SOAT1: variants seen among roughly 807,000 people sequenced by gnomAD.
SOAT1 encodes the protein acyl-coenzyme A:cholesterol acyltransferase 1.
Under a neutral mutation model 69.5 loss-of-function variants are expected in SOAT1, and 55 were observed. The observed-to-expected ratio is 0.79, with a 90% CI of 0.64 to 0.99. The LOEUF (loss-of-function observed/expected upper bound fraction) is 0.99. Among genes scored for constraint, SOAT1 ranks in the 50% least tolerant of loss-of-function variants. SOAT1 has a pLI of 0.00. For synonymous variants in SOAT1, 231 were observed against 224.7 expected (o/e 1.03, Z -0.25); for missense variants, 580 against 669.3 (o/e 0.87, Z 1.47).
chr1:179,339,645 A>T, intron 6 of SOAT1, 100 bp downstream of exon 6: 2 of 648,716 alleles, frequency 3.1e-6, no homozygotes, highest in Non-Finnish European at 5.2e-6. Context: ...TGCTTCAGGA[A>T]ATCCTAAAGC....
chr1:179,337,681 TG>T (rs964687514), intron 4 of SOAT1, among the ~76,000 whole-genome samples, 155 bp from the exon 5 acceptor site: 5 of 152,200 alleles, frequency 3.3e-5, no homozygotes, highest in African/African-American at 1.2e-4. Flanking sequence ...CTGTTTTAGC[TG>T]GGCATGGTGG....
chr1:179,353,729 T>C lies in SOAT1; in HGVS notation c.*88T>C. ...CTGTTTCCAGTTGTTACTGAAGTTA[T>C]CTGTGTTATTTGGACCACTCCAGGC... On this transcript the variant is annotated 3_prime_UTR_variant, in exon 16 of 16. Transcript: ENST00000367619. The C allele has an allele frequency of 8.6e-7, 1 of 1,158,710 alleles. No individual in the cohort carries two copies. The allele number at this position is 1,158,710 out of a possible 1,614,324, so 71.8% of individuals were successfully genotyped here.
chr1:179,305,414 A>G (rs1240565340), intron 2 of SOAT1, among the ~76,000 whole-genome samples: 2 of 149,914 alleles, frequency 1.3e-5, no homozygotes, highest in African/African-American at 4.9e-5. Flanking sequence ...TCAGTACTTC[A>G]TTTTTTTTTT....
At chr1:179,348,775 TG>T (rs1666619613) in intron 12 of SOAT1, 68 bp from the exon 13 acceptor site, 12 of 95,328 alleles carry the variant, frequency 1.3e-4, no homozygotes, top group Admixed American at 2.2e-4. Flanking sequence ...TGTGTGTGTG[TG>T]TGTGTGTGTG....
chr1:179,353,521 A>G, intron 15 of SOAT1, 64 bp from the exon 16 acceptor site: 1 of 1,328,596 alleles, frequency 7.5e-7, no homozygotes, highest in Non-Finnish European at 1.1e-6. Context: ...ATCCCTGCCT[A>G]TCTCCACACC....
At chr1:179,318,866 A>G (rs942800454) in intron 2 of SOAT1, among the ~76,000 whole-genome samples, 1 of 152,088 alleles carries the variant, frequency 6.6e-6, no homozygotes, top group Non-Finnish European at 1.5e-5. Flanking sequence ...GTTTATGGGT[A>G]TTTGTTTCCA....
intron 2 of SOAT1, among the ~76,000 whole-genome samples, chr1:179,313,568 A>G (rs1665292656): frequency 6.6e-6 from 1 of 150,976 alleles, no homozygotes; most frequent in African/African-American, 2.4e-5. Context: ...ATATATGTAT[A>G]TGTGTGTATA....
At position 179,326,536 on chromosome 1, in the gene SOAT1, T is replaced by C. The variant is rs1240556861; in HGVS notation, c.177+3041T>C. ...TGAATATTTTACCATTGTTTATTAA[T>C]TGTAATTTCTTTTCTTTTTTTTTTT... On this transcript the variant is annotated intron_variant, in intron 3 of 15. Transcript: ENST00000367619. Among the ~76,000 whole-genome samples, 4 of 150,406 alleles carry C rather than the reference T, an allele frequency of 2.7e-5. No homozygotes were observed. In the Admixed American group the frequency reaches 2.7e-4, roughly 10 times the overall value.
At chr1:179,325,275 G>T (rs918910826) in intron 3 of SOAT1, among the ~76,000 whole-genome samples, 1 of 148,952 alleles carries the variant, frequency 6.7e-6, no homozygotes, top group South Asian at 2.1e-4. Context: ...TCAGCCTCCC[G>T]AGTATTTGGG....
chr1:179,350,545 A>G, intron 14 of SOAT1, 114 bp downstream of exon 14: 1 of 933,882 alleles, frequency 1.1e-6, no homozygotes, highest in Admixed American at 2.6e-5. Context: ...TAACATTTTA[A>G]GGTAGTACTT....
At chr1:179,351,067 GA>G (rs2125005292) in intron 14 of SOAT1, among the ~76,000 whole-genome samples, 1 of 119,586 alleles carries the variant, frequency 8.4e-6, no homozygotes, top group East Asian at 2.1e-4. Flanking sequence ...TTTTGAGACA[GA>G]GTTTCACTCC....
At chr1:179,295,732 A>G (rs1292788494) in intron 1 of SOAT1, among the ~76,000 whole-genome samples, 1 of 152,056 alleles carries the variant, frequency 6.6e-6, no homozygotes, top group African/African-American at 2.4e-5. Context: ...TTTGCCTCCC[A>G]GGTTCAAGGG....
intron 2 of SOAT1, among the ~76,000 whole-genome samples, chr1:179,316,420 G>A (rs6704240): frequency 0.49 from 74,918 of 151,636 alleles, 19,514 homozygotes; most frequent in East Asian, 0.84. Flanking sequence ...TTTTGAGATG[G>A]AGTTTCACTC....
intron 9 of SOAT1, 135 bp from the exon 10 acceptor site, chr1:179,343,454 TG>T: frequency 1.6e-6 from 1 of 624,922 alleles, no homozygotes; most frequent in Non-Finnish European, 2.8e-6. Flanking sequence ...CTCGAACTCC[TG>T]GTCACTGCCT....
chr1:179,324,178 A>G (rs1665702131), intron 3 of SOAT1, among the ~76,000 whole-genome samples: 1 of 152,238 alleles, frequency 6.6e-6, no homozygotes, highest in Non-Finnish European at 1.5e-5. Flanking sequence ...ATGTATGTAC[A>G]TATGCATTTA....
intron 3 of SOAT1, among the ~76,000 whole-genome samples, chr1:179,328,669 A>G (rs1665866595): frequency 6.6e-6 from 1 of 152,152 alleles, no homozygotes; most frequent in African/African-American, 2.4e-5. Flanking sequence ...ATTAATGTAC[A>G]CAACTTTATA....
chr1:179,300,834 G>A (rs758041975), intron 1 of SOAT1, among the ~76,000 whole-genome samples: 1 of 152,116 alleles, frequency 6.6e-6, no homozygotes, highest in South Asian at 2.1e-4. Flanking sequence ...GGTGGCTCAT[G>A]CCTGTAATCC....
intron 3 of SOAT1, 100 bp from the exon 4 acceptor site, chr1:179,335,406 C>T: frequency 9.5e-7 from 1 of 1,048,700 alleles, no homozygotes; most frequent in South Asian, 1.7e-5. Context: ...CTATGTCTTT[C>T]TTTTGATCCA....
intron 5 of SOAT1, among the ~76,000 whole-genome samples, chr1:179,338,258 C>A (rs1268895460): frequency 6.6e-6 from 1 of 152,020 alleles, no homozygotes; most frequent in East Asian, 1.9e-4. Flanking sequence ...CTTGGTGGTG[C>A]ATGCCTGTAA....
Sources: allele counts gnomAD v4.1 joint callset (sites outside exome capture counted in the v4.1 genomes callset), GRCh38; gene constraint gnomAD v4.1.1; transcripts MANE v1.5; gene names NCBI Gene and HGNC (gene_info 2026-07-23, HGNC 2026-07-21).